The following TENM2 variants were observed in gnomAD, a reference collection of about 807,000 sequenced individuals.
TENM2 encodes teneurin-2.
In TENM2, 52 loss-of-function variants were observed where a neutral mutation model predicts 245.2. The ratio of observed to expected loss-of-function variants is 0.21; its 90% CI spans 0.17 to 0.27. The LOEUF (loss-of-function observed/expected upper bound fraction) is 0.27. TENM2 is among the 10% of genes least tolerant of loss of function. The pLI is 1.00. For synonymous variants in TENM2, 1,363 were observed against 1,438.9 expected (o/e 0.95, Z 1.19); for missense variants, 3,046 against 3,666.8 (o/e 0.83, Z 4.37).
intron 2 of TENM2, among the ~76,000 whole-genome samples, chr5:167,420,077 C>T (rs920020902): frequency 4.6e-5 from 7 of 152,148 alleles, no homozygotes; most frequent in Non-Finnish European, 1.0e-4. Flanking sequence ...GAGTTTTATA[C>T]TTTGCAAAAG....
chr5:167,095,079 T>C, the TENM2 span, among the ~76,000 whole-genome samples: 12 of 152,134 alleles, frequency 7.9e-5, no homozygotes, highest in Non-Finnish European at 1.8e-4. Flanking sequence ...AGAGCACTTA[T>C]TGTATACTAG....
chr5:168,248,168 G>A, exon 27 of TENM2: 2 of 1,614,004 alleles, frequency 1.2e-6, no homozygotes, highest in Non-Finnish European at 1.7e-6. Flanking sequence ...ATGGTCATTG[G>A]CTTCCATGGG....
chr5:167,052,100 G>T, the TENM2 span, among the ~76,000 whole-genome samples: 1 of 152,010 alleles, frequency 6.6e-6, no homozygotes, highest in Admixed American at 6.6e-5. Context: ...GATAATGTTC[G>T]TTTAAAGAGG....
intron 12 of TENM2, among the ~76,000 whole-genome samples, chr5:168,146,460 C>T (rs1020559701): frequency 6.6e-6 from 1 of 152,176 alleles, no homozygotes; most frequent in African/African-American, 2.4e-5. Context: ...GAAGACTCTG[C>T]CAACTCATGC....
chr5:167,850,692 A>G (rs1245007343), intron 2 of TENM2, among the ~76,000 whole-genome samples: 2 of 152,180 alleles, frequency 1.3e-5, no homozygotes, highest in East Asian at 3.9e-4. Context: ...ACTCTGGAGG[A>G]TGGGGGCTGC....
rs116771660 is a variant in TENM2, at chr5:167,443,542, A to G, written c.502+68069A>G. 6.4e-3 allele frequency among the ~76,000 whole-genome samples: 969 copies of G among 152,252 alleles called. 8 individuals carry two copies. The highest frequency in any genetic ancestry group is 0.022 in the African/African-American group (919 of 41,554). On this transcript the variant is annotated intron_variant, in intron 2 of 28. Transcript: ENST00000518659. ...TTTGAAAGTTTGATTGTTAATAGCT[A>G]TGTGAATTCTGTGCTTTTATTACCT...
At chr5:167,834,681 G>A (rs1341237958) in intron 2 of TENM2, among the ~76,000 whole-genome samples, 3 of 134,782 alleles carry the variant, frequency 2.2e-5, no homozygotes, top group Non-Finnish European at 3.0e-5. Context: ...ACGGAGTCTC[G>A]CTCTGTAGCC....
chr5:168,183,166 C>G (rs778220596), intron 13 of TENM2, among the ~76,000 whole-genome samples: 9 of 152,182 alleles, frequency 5.9e-5, no homozygotes, highest in Non-Finnish European at 7.3e-5. Flanking sequence ...CCCTCACCCC[C>G]ACTCCTGTGC....
chr5:167,268,820 T>A, the TENM2 span, among the ~76,000 whole-genome samples: 1 of 152,072 alleles, frequency 6.6e-6, no homozygotes. Flanking sequence ...AGATGTTTGT[T>A]GATCCCTGAC....
intron 2 of TENM2, among the ~76,000 whole-genome samples, chr5:167,776,026 T>G (rs534555338): frequency 3.3e-5 from 5 of 152,174 alleles, no homozygotes; most frequent in African/African-American, 9.6e-5. Flanking sequence ...ACAATTAAAA[T>G]AATTTGGAGG....
chr5:167,033,391 C>T, the TENM2 span, among the ~76,000 whole-genome samples: 1 of 152,126 alleles, frequency 6.6e-6, no homozygotes, highest in South Asian at 2.1e-4. Context: ...GGCTCAAGTT[C>T]AGTTTTTAGC....
rs1209623791 is a variant in TENM2 at position 167,972,480 on chromosome 5, G to A, written c.947+19658G>A. On this transcript the variant is annotated intron_variant, in intron 4 of 28. Coordinates refer to ENST00000518659, the Ensembl canonical transcript of TENM2. ...TCTCTTCTTGATGGACATTTAGATCGCTTTCAGAATTTTGCTATTAAAAAC... is the reference window on the plus strand; with the variant it reads ...TCTCTTCTTGATGGACATTTAGATCACTTTCAGAATTTTGCTATTAAAAAC... Among the ~76,000 whole-genome samples, 6 of 151,922 alleles carry A rather than the reference G, an allele frequency of 3.9e-5. 1 individual carries two copies. The South Asian group carries it at 6.2e-4, about 16-fold the overall frequency.
chr5:167,043,684 C>G, the TENM2 span, among the ~76,000 whole-genome samples: 7 of 152,096 alleles, frequency 4.6e-5, no homozygotes, highest in African/African-American at 1.7e-4. Flanking sequence ...AGGGTTTATG[C>G]AGATGTAAAG....
chr5:167,974,032 GAA>G lies in TENM2; in HGVS notation c.948-18911_948-18910del, dbSNP rs1562001076. 4.9e-3 allele frequency among the ~76,000 whole-genome samples: 312 copies of G among 63,208 alleles called. 9 individuals are homozygous for G. Among genetic ancestry groups the G allele is most frequent in the East Asian group, 9.7e-3 (2 of 206 alleles). The allele number at this position is 63,208 out of a possible 152,430, so 41.5% of individuals were successfully genotyped here. A position where few individuals can be genotyped will look rare whatever the true frequency, so the allele number is the denominator to read the frequency against. The stretch of plus-strand genomic sequence containing the variant: ...GGGAGGGAGGGAGGGAGGAAGGAAG[GAA>G]GGAGAAGGAAGGAAGGGAGGAAAGG... On this transcript the variant is annotated intron_variant, in intron 4 of 28. Coordinates refer to ENST00000518659, the Ensembl canonical transcript of TENM2.
chr5:167,451,309 T>C (rs1480012041), intron 2 of TENM2, among the ~76,000 whole-genome samples: 1 of 152,120 alleles, frequency 6.6e-6, no homozygotes, highest in Admixed American at 6.6e-5. Context: ...CACCACATGG[T>C]TTCAATTACA....
the TENM2 span, among the ~76,000 whole-genome samples, chr5:167,174,603 T>C: frequency 2.0e-5 from 3 of 152,318 alleles, no homozygotes; most frequent in South Asian, 2.1e-4. Flanking sequence ...TATCTGTATA[T>C]ATATAATGAA....
intron 12 of TENM2, among the ~76,000 whole-genome samples, chr5:168,127,407 C>T (rs1186321227): frequency 2.6e-5 from 4 of 152,120 alleles, no homozygotes; most frequent in Non-Finnish European, 4.4e-5. Context: ...CTCTCAGGTT[C>T]CCTCCGTAGC....
intron 2 of TENM2, among the ~76,000 whole-genome samples, chr5:167,780,082 G>A (rs1764088751): frequency 6.6e-6 from 1 of 152,188 alleles, no homozygotes; most frequent in African/African-American, 2.4e-5. Flanking sequence ...GTGACTCTAG[G>A]TGGTTTACAC....
rs3084277 is a variant in TENM2 at position 168,249,453 on chromosome 5, G to GGTGTGTGTGTGTGTGTGT, written c.7432+1094_7432+1111dup. Among the ~76,000 whole-genome samples, 876 of 148,904 alleles carry GGTGTGTGTGTGTGTGTGT rather than the reference G, an allele frequency of 5.9e-3. 8 individuals carry two copies. Among genetic ancestry groups the GGTGTGTGTGTGTGTGTGT allele is most frequent in the Middle Eastern group, 0.021 (6 of 284 alleles). On this transcript the variant is annotated intron_variant, in intron 27 of 28. Transcript: ENST00000518659. ...AATAAGACAAATACCGTTCTCTCAA[G>GGTGTGTGTGTGTGTGTGT]GTGTGTGTGTGTGTGTGTGTGTGTG...
Sources: allele counts gnomAD v4.1 joint callset (sites outside exome capture counted in the v4.1 genomes callset), GRCh38; gene constraint gnomAD v4.1.1; transcripts MANE v1.5; gene names NCBI Gene and HGNC (gene_info 2026-07-23, HGNC 2026-07-21).